The following GFRA1 variants were observed in gnomAD, a reference collection of about 807,000 sequenced individuals.
GFRA1 encodes the protein GDNF family receptor alpha 1, also known as GDNF family receptor alpha-1.
GFRA1 carries 16 observed loss-of-function variants against 51.6 expected under a neutral mutation model. The ratio of observed to expected loss-of-function variants is 0.31; its 90% CI spans 0.21 to 0.47. GFRA1 has a LOEUF of 0.47. Among genes scored for constraint, GFRA1 ranks in the 20% least tolerant of loss-of-function variants. GFRA1 has a pLI of 1.00. For synonymous variants in GFRA1, 270 were observed against 241.3 expected (o/e 1.12, Z -1.10); for missense variants, 530 against 594.3 (o/e 0.89, Z 1.13).
intron 4 of GFRA1, among the ~76,000 whole-genome samples, chr10:116,233,056 G>T (rs1195938777): frequency 6.6e-6 from 1 of 152,206 alleles, no homozygotes; most frequent in Non-Finnish European, 1.5e-5. Context: ...GCCAGGAGCA[G>T]TGGCTCACAT....
At chr10:116,102,322 C>T (rs1365660385) in intron 6 of GFRA1, among the ~76,000 whole-genome samples, 4 of 152,290 alleles carry the variant, frequency 2.6e-5, no homozygotes, top group Admixed American at 6.5e-5. Flanking sequence ...AGAGACATGA[C>T]GGGTACTTTG....
intron 4 of GFRA1, among the ~76,000 whole-genome samples, chr10:116,244,680 A>G (rs2134655503): frequency 6.6e-6 from 1 of 152,118 alleles, no homozygotes; most frequent in African/African-American, 2.4e-5. Flanking sequence ...ATGTCAGAGA[A>G]ATAAGGAAAT....
intron 8 of GFRA1, among the ~76,000 whole-genome samples, chr10:116,091,760 A>G (rs1318456063): frequency 6.6e-6 from 1 of 152,196 alleles, no homozygotes; most frequent in East Asian, 1.9e-4. Flanking sequence ...AAGAGATTGA[A>G]CTGATGGCCC....
At chr10:116,129,418 G>A (rs1379842624) in intron 5 of GFRA1, among the ~76,000 whole-genome samples, 1 of 152,034 alleles carries the variant, frequency 6.6e-6, no homozygotes, top group Non-Finnish European at 1.5e-5. Context: ...AATACAGTAG[G>A]AAAACCATAT....
At chr10:116,264,796 A>G (rs1324225675) in intron 4 of GFRA1, among the ~76,000 whole-genome samples, 1 of 152,172 alleles carries the variant, frequency 6.6e-6, no homozygotes, top group African/African-American at 2.4e-5. Context: ...CTGGCCCACT[A>G]AGGAGTTTAC....
intron 3 of GFRA1, among the ~76,000 whole-genome samples, chr10:116,269,900 C>T (rs959666640): frequency 6.6e-6 from 1 of 152,108 alleles, no homozygotes; most frequent in African/African-American, 2.4e-5. Context: ...ACGAGCCCTG[C>T]TTGCCTCCAG....
In GFRA1 at chr10:116,078,290, T is replaced by C. The variant is rs117902705; in HGVS notation, c.1197+11451A>G. ...TTTGAAAATGCTCTATAAGCAGTTA[T>C]TATAAAAGGTGTTTTTACAACAGCC... On this transcript the variant is annotated intron_variant, in intron 9 of 10. Transcript: ENST00000355422. Among the ~76,000 whole-genome samples the C allele has an allele frequency of 7.0e-3, 1,060 of 152,312 alleles. 5 individuals carry two copies. The highest frequency in any genetic ancestry group is 0.014 in the Admixed American group (212 of 15,298).
At chr10:116,271,154 G>A (rs758190015) in intron 2 of GFRA1, 39 bp from the exon 3 acceptor site, 4 of 1,559,672 alleles carry the variant, frequency 2.6e-6, no homozygotes, top group Non-Finnish European at 2.6e-6. Context: ...TGCGGCGGGC[G>A]GGGACCCCGG....
intron 9 of GFRA1, among the ~76,000 whole-genome samples, chr10:116,085,202 G>A (rs547249067): frequency 5.3e-5 from 8 of 152,312 alleles, no homozygotes; most frequent in South Asian, 2.1e-4. Flanking sequence ...ACAGAACTGC[G>A]TTTGGTTTGT....
intron 5 of GFRA1, among the ~76,000 whole-genome samples, chr10:116,190,676 C>T (rs898513741): frequency 6.6e-6 from 1 of 152,104 alleles, no homozygotes; most frequent in Non-Finnish European, 1.5e-5. Context: ...CCCCCAAAGA[C>T]ATTTCAAGAG....
intron 4 of GFRA1, among the ~76,000 whole-genome samples, chr10:116,252,063 G>A (rs1478138706): frequency 7.1e-6 from 1 of 139,936 alleles, no homozygotes; most frequent in Non-Finnish European, 1.5e-5. Context: ...TTGACTTTGT[G>A]AGTGTTTTAC....
chr10:116,261,309 C>A (rs1969285059), intron 4 of GFRA1, among the ~76,000 whole-genome samples: 2 of 152,184 alleles, frequency 1.3e-5, no homozygotes, highest in South Asian at 4.1e-4. Flanking sequence ...TGGAATTCTG[C>A]TTTCTTATCA....
intron 10 of GFRA1, among the ~76,000 whole-genome samples, chr10:116,065,239 T>TA (rs1195439382): frequency 8.5e-5 from 13 of 152,176 alleles, no homozygotes; most frequent in Admixed American, 8.5e-4. Flanking sequence ...CCACAGATGA[T>TA]AGAGAACATC....
At position 116,211,736 on chromosome 10, in the gene GFRA1, G is replaced by A. The variant is rs979642746; in HGVS notation, c.419-91C>T. On this transcript the variant is annotated intron_variant, in intron 4 of 10. Coordinates refer to ENST00000355422, the MANE Select transcript of GFRA1 (RefSeq NM_005264.8). ...ATAATGTTGAAAAGGACAGTATGAT[G>A]ATGACATATGCTGACTTTGCTAAGC... 11 of 1,042,148 alleles carry A rather than the reference G, an allele frequency of 1.1e-5. No individual in the cohort carries two copies. In the African/African-American group the frequency reaches 1.6e-4, roughly 15 times the overall value. 64.6% of individuals were successfully genotyped at this position (1,042,148 alleles called of 1,614,324 possible). A position where few individuals can be genotyped will look rare whatever the true frequency, so the allele number is the denominator to read the frequency against.
Position 116,059,284 on chromosome 10 carries a change from CTAAG to C in GFRA1, c.*5110_*5113del, listed in dbSNP as rs542032846. 24 of 152,342 alleles carry C rather than the reference CTAAG, an allele frequency of 1.6e-4. No homozygotes were observed. Among genetic ancestry groups the C allele is most frequent in the East Asian group, 5.8e-4 (3 of 5,176 alleles). 9.4% of individuals were successfully genotyped at this position (152,342 alleles called of 1,614,324 possible). A position where few individuals can be genotyped will look rare whatever the true frequency, so the allele number is the denominator to read the frequency against. On this transcript the variant is annotated 3_prime_UTR_variant, in exon 11 of 11. Transcript: ENST00000355422. ...GTGTGAGCAGCAAGAGATGTTCAAA[CTAAG>C]TAAGAGTCTAAAGATCTCTGGCCAG...
intron 9 of GFRA1, among the ~76,000 whole-genome samples, chr10:116,080,134 GAAACTTACAACTAATAAA>G (rs1208479129): frequency 6.6e-6 from 1 of 152,172 alleles, no homozygotes; most frequent in Non-Finnish European, 1.5e-5. Flanking sequence ...AAAGCCCCTT[GAAACTTACAACTAATAAA>G]AACTTACATA....
intron 6 of GFRA1, among the ~76,000 whole-genome samples, chr10:116,113,453 GT>G (rs1957291771): frequency 6.6e-6 from 1 of 152,090 alleles, no homozygotes; most frequent in Admixed American, 6.6e-5. Flanking sequence ...AATGAACTAT[GT>G]TTGCCAAAGA....
At chr10:116,194,904 A>G (rs753315404) in intron 5 of GFRA1, among the ~76,000 whole-genome samples, 88 of 152,340 alleles carry the variant, frequency 5.8e-4, no homozygotes, top group Non-Finnish European at 7.9e-4. Context: ...ACAAGGAACA[A>G]GAGACATTTC....
At chr10:116,231,752 A>C (rs1270410371) in intron 4 of GFRA1, among the ~76,000 whole-genome samples, 1 of 152,226 alleles carries the variant, frequency 6.6e-6, no homozygotes, top group Admixed American at 6.5e-5. Flanking sequence ...AATACACCAT[A>C]AATTTAAATT....
Sources: allele counts gnomAD v4.1 joint callset (sites outside exome capture counted in the v4.1 genomes callset), GRCh38; gene constraint gnomAD v4.1.1; transcripts MANE v1.5; gene names NCBI Gene and HGNC (gene_info 2026-07-23, HGNC 2026-07-21).